Variants in BSN observed in about 807,000 individuals in gnomAD.
BSN encodes the protein protein bassoon.
In BSN, 57 loss-of-function variants were observed where a neutral mutation model predicts 264.8. That is an observed-to-expected ratio of 0.22 (90% confidence interval 0.17 to 0.27). The LOEUF (loss-of-function observed/expected upper bound fraction) is 0.27, where lower values mean the gene tolerates loss of function less well. BSN is among the 10% of genes least tolerant of loss of function. The probability of loss-of-function intolerance (pLI) is 1.00; values close to 1 mark genes in which losing one functional copy is unlikely to be tolerated. For synonymous variants in BSN, 2,059 were observed against 2,137.3 expected, an observed-to-expected ratio of 0.96 and a Z score of 1.01; for missense variants, 4,615 against 5,232.5, an observed-to-expected ratio of 0.88 and a Z score of 3.64.
In BSN at chr3:49,656,061, C is replaced by T; in HGVS notation, c.6505C>T (p.Pro2169Ser). 2 of 1,608,524 alleles carry T rather than the reference C, an allele frequency of 1.2e-6. No individual in the cohort carries two copies. Among genetic ancestry groups the T allele is most frequent in the African/African-American group, 1.3e-5 (1 of 75,034 alleles). The change falls in exon 5 of 12, where the codon CCT becomes TCT. Residue 2169 changes from proline to serine, a missense_variant. This residue lies in a region of BSN where 3,415 missense variants were observed against 3,866.4 expected (regional missense o/e 0.88). Coordinates refer to ENST00000296452, the MANE Select transcript of BSN (RefSeq NM_003458.4). ...PSPGNLAQYGPAAGQGTAVRQ... is the reference protein window; with the variant it reads ...PSPGNLAQYGSAAGQGTAVRQ... ...TCCTGGGAACTTGGCCCAGTATGGG[C>T]CTGCAGCAGGCCAAGGAACAGCAGT...
At chr3:49,658,626 C>T (rs773722580) in intron 5 of BSN, among the ~76,000 whole-genome samples, 20 of 152,224 alleles carry the variant, frequency 1.3e-4, no homozygotes, top group Non-Finnish European at 2.8e-4. Context: ...CTCTCGTCCT[C>T]TCAGTCCTGG....
intron 1 of BSN, among the ~76,000 whole-genome samples, chr3:49,624,300 C>CTTTT (rs71080542): frequency 1.5e-5 from 1 of 67,184 alleles, no homozygotes; most frequent in Non-Finnish European, 2.7e-5. Context: ...CGTGCCCAGC[C>CTTTT]TTTTTTTTTT....
In BSN at chr3:49,653,216, C is replaced by A. The variant is rs952878571; in HGVS notation, c.3660C>A (p.Gly1220=). 6.2e-7 allele frequency: 1 copy of A among 1,611,228 alleles called. No individual in the cohort carries two copies. Among genetic ancestry groups the A allele is most frequent in the Non-Finnish European group, 8.5e-7 (1 of 1,179,466 alleles). The part of the protein sequence containing the change: ...GPHGGPSQPT[G]PRGLGSFEYQ... ...ATGGCGGCCCCTCTCAGCCCACAGGCCCCCGGGGCCTGGGCTCCTTCGAAT... is the reference window on the plus strand; with the variant it reads ...ATGGCGGCCCCTCTCAGCCCACAGGACCCCGGGGCCTGGGCTCCTTCGAAT... Residue 1220 remains glycine, a synonymous_variant, in exon 5 of 12, where the codon GGC becomes GGA. Transcript: ENST00000296452. The surrounding 1 kb of genome is among the most constrained non-coding windows in gnomAD (Gnocchi z 6.3).
intron 2 of BSN, among the ~76,000 whole-genome samples, chr3:49,639,482 G>A (rs1259884587): frequency 6.6e-6 from 1 of 152,204 alleles, no homozygotes; most frequent in African/African-American, 2.4e-5. Context: ...ACAGGCGTGA[G>A]CCACGGTGCA....
chr3:49,662,886 G>A lies in BSN; in HGVS notation c.10728G>A (p.Leu3576=). The A allele has an allele frequency of 1.9e-6, 3 of 1,574,900 alleles. No individual in the cohort carries two copies. The highest frequency in any genetic ancestry group is 2.6e-6 in the Non-Finnish European group (3 of 1,160,344). The part of the protein sequence containing the change: ...CVVSDSEAYH[L]GQEETDWFDK... ...TTTTGGTCTCTGAAGCGTATCACCT[G>A]GGCCAGGAGGAGACGGACTGGTTTG... is the stretch of plus-strand genomic sequence containing the variant. Residue 3576 remains leucine (L), a synonymous_variant, in exon 7 of 12, where the codon CTG becomes CTA. Transcript: ENST00000296452.
chr3:49,606,698 A>T (rs1214828811), intron 1 of BSN, among the ~76,000 whole-genome samples: 1 of 151,880 alleles, frequency 6.6e-6, no homozygotes, highest in Admixed American at 6.6e-5. Context: ...TTGTATTTGG[A>T]TCTGTATTCA....
At position 49,657,269 on chromosome 3, in the gene BSN, G is replaced by A. The variant is rs1411459617; in HGVS notation, c.7713G>A (p.Gly2571=). The A allele has an allele frequency of 5.0e-6, 8 of 1,613,480 alleles. No homozygotes were observed. The highest frequency in any genetic ancestry group is 6.8e-6 in the Non-Finnish European group (8 of 1,180,000). The part of the protein sequence containing the change: ...RLRDACELES[G]TEPCVVRRIA... ...GGGATGCCTGTGAGCTAGAGTCTGG[G>A]ACTGAGCCCTGTGTGGTCAGGAGGA... Residue 2571 remains glycine, a synonymous_variant, in exon 5 of 12, where the codon GGG becomes GGA. Transcript: ENST00000296452.
At chr3:49,601,661 C>A (rs576538882) in intron 1 of BSN, among the ~76,000 whole-genome samples, 1 of 152,246 alleles carries the variant, frequency 6.6e-6, no homozygotes, top group South Asian at 2.1e-4. Flanking sequence ...TCCATGGTGT[C>A]GCTTTCAGAG....
At chr3:49,648,669 G>T (rs2052517571) in intron 3 of BSN, among the ~76,000 whole-genome samples, 1 of 152,222 alleles carries the variant, frequency 6.6e-6, no homozygotes, top group Non-Finnish European at 1.5e-5. Context: ...GGCACCTCTG[G>T]GGGTGCACCC....
chr3:49,554,798 G>C lies in BSN; in HGVS notation c.196G>C (p.Gly66Arg). ...ACCACCGGTCCCTGGCCCCGGCCCC[G>C]GCCCCGGTCCCGGCCCTGGCCCGGG... Reference protein sequence around the residue: ...AVPPVPGPGPGPGPGPGPGST... With the variant: ...AVPPVPGPGPRPGPGPGPGST... The change falls in exon 1 of 12, where the codon GGC becomes CGC. Residue 66 changes from glycine to arginine, a missense_variant. By Grantham distance (125) the Gly-to-Arg change is moderately radical. This residue lies in a region of BSN where 1,197 missense variants were observed against 1,348.0 expected (regional missense o/e 0.89). Coordinates refer to ENST00000296452, the MANE Select transcript of BSN (RefSeq NM_003458.4). The C allele has an allele frequency of 8.4e-7, 1 of 1,195,608 alleles. No individual in the cohort carries two copies. 74.1% of individuals were successfully genotyped at this position (1,195,608 alleles called of 1,614,324 possible). A position where few individuals can be genotyped will look rare whatever the true frequency, so the allele number is the denominator to read the frequency against.
intron 1 of BSN, among the ~76,000 whole-genome samples, chr3:49,581,015 C>T (rs1413601345): frequency 3.4e-5 from 5 of 147,750 alleles, no homozygotes; most frequent in African/African-American, 1.3e-4. Context: ...GGGTTTTGCT[C>T]TCATCACTCA....
chr3:49,573,798 C>T (rs2108009439), intron 1 of BSN, among the ~76,000 whole-genome samples: 1 of 151,912 alleles, frequency 6.6e-6, no homozygotes, highest in Admixed American at 6.6e-5. Context: ...GCTGGGATTA[C>T]AGGCATGTGC....
intron 1 of BSN, among the ~76,000 whole-genome samples, chr3:49,605,313 T>TATATAA: frequency 1.0e-5 from 1 of 97,430 alleles, no homozygotes; most frequent in South Asian, 2.6e-4. Context: ...ATATATTATA[T>TATATAA]TATATATATA....
chr3:49,554,565 G>C lies in BSN; in HGVS notation c.-38G>C. ...CCGCCCGGGAGCCGCCGGCCCGGGC[G>C]CAGCGCGACCCCGACCCCGCCCGCC... On this transcript the variant is annotated 5_prime_UTR_variant, in exon 1 of 12. Coordinates refer to ENST00000296452, the MANE Select transcript of BSN (RefSeq NM_003458.4). 1.2e-6 allele frequency: 1 copy of C among 825,072 alleles called. No homozygotes were observed. Among genetic ancestry groups the C allele is most frequent in the Non-Finnish European group, 1.5e-6 (1 of 683,900 alleles). The allele number at this position is 825,072 out of a possible 1,614,324, so 51.1% of individuals were successfully genotyped here. A position where few individuals can be genotyped will look rare whatever the true frequency, so the allele number is the denominator to read the frequency against.
chr3:49,600,335 G>A (rs956918380), intron 1 of BSN, among the ~76,000 whole-genome samples: 10 of 152,160 alleles, frequency 6.6e-5, no homozygotes, highest in African/African-American at 1.2e-4. Context: ...TCTGTGGAGC[G>A]TGCAGGGGCT....
chr3:49,655,236 C>G lies in BSN; in HGVS notation c.5680C>G (p.Pro1894Ala), dbSNP rs1040432284. 6.2e-7 allele frequency: 1 copy of G among 1,613,120 alleles called. No homozygotes were observed. Among genetic ancestry groups the G allele is most frequent in the Non-Finnish European group, 8.5e-7 (1 of 1,179,954 alleles). The change falls in exon 5 of 12, where the codon CCT (proline) becomes GCT (alanine). Residue 1894 changes from proline (P) to alanine (A), a missense_variant. This residue lies in a region of BSN where 3,415 missense variants were observed against 3,866.4 expected (regional missense o/e 0.88). Transcript: ENST00000296452. ...AGALDLTGMR[P>A]ESQLACCDMV... ...TGCCCTGGACCTTACCGGGATGAGGCCTGAGAGCCAGCTGGCATGCTGTGA... is the reference window on the plus strand; with the variant it reads ...TGCCCTGGACCTTACCGGGATGAGGGCTGAGAGCCAGCTGGCATGCTGTGA...
intron 2 of BSN, among the ~76,000 whole-genome samples, chr3:49,631,225 G>T (rs1284661817): frequency 6.6e-6 from 1 of 151,886 alleles, no homozygotes; most frequent in Non-Finnish European, 1.5e-5. Context: ...GGAGGGGAGG[G>T]CTATGGCGGG....
intron 2 of BSN, among the ~76,000 whole-genome samples, chr3:49,633,594 T>C (rs534142847): frequency 6.6e-6 from 1 of 152,232 alleles, no homozygotes; most frequent in East Asian, 1.9e-4. Context: ...CTCAAATGAA[T>C]TGAAAGGAAG....
chr3:49,556,443 C>T (rs1291456841), intron 1 of BSN, among the ~76,000 whole-genome samples: 3 of 152,150 alleles, frequency 2.0e-5, no homozygotes, highest in East Asian at 1.9e-4. Flanking sequence ...CAGGCAGACC[C>T]ATGAACTGCT....
Sources: allele counts gnomAD v4.1 joint callset (sites outside exome capture counted in the v4.1 genomes callset), GRCh38; gene constraint gnomAD v4.1.1; regional missense constraint gnomAD v4.1.1; non-coding constraint Gnocchi (gnomAD v3.1); transcripts MANE v1.5; gene names NCBI Gene and HGNC (gene_info 2026-07-23, HGNC 2026-07-21).